KLHL33: variants seen among roughly 807,000 people sequenced by gnomAD.
KLHL33 encodes the protein kelch-like protein 33.
In KLHL33, 46 loss-of-function variants were observed where a neutral mutation model predicts 60.8. The ratio of observed to expected loss-of-function variants is 0.76; its 90% confidence interval spans 0.60 to 0.97. The LOEUF is 0.97. Among genes scored for constraint, KLHL33 ranks in the 50% least tolerant of loss-of-function variants. KLHL33 has a pLI of 0.00. For synonymous variants in KLHL33, 434 were observed against 432.2 expected, an observed-to-expected ratio of 1.00 and a Z score of -0.05; for missense variants, 1,055 against 1,000.0, an observed-to-expected ratio of 1.05 and a Z score of -0.74.
At position 20,430,155 on chromosome 14, in the gene KLHL33, C is replaced by T; in HGVS notation, c.1313G>A (p.Arg438Lys). 6.4e-7 allele frequency: 1 copy of T among 1,551,564 alleles called. No homozygotes were observed. Among genetic ancestry groups the T allele is most frequent in the Non-Finnish European group, 8.7e-7 (1 of 1,147,000 alleles). The change falls in exon 3 of 5, where the codon AGG becomes AAG. Residue 438 changes from arginine (R) to lysine (K), a missense_variant. By Grantham distance (26) the Arg-to-Lys change is conservative. Transcript: ENST00000636854. ...TGGAAGTAGCCCGGCTGCCCGCACCCTCCGCAACTCCCTGGTGGACATGCG... is the reference window on the plus strand; with the variant it reads ...TGGAAGTAGCCCGGCTGCCCGCACCTTCCGCAACTCCCTGGTGGACATGCG... ...FGRMSTRELR[R>K]VRAAGLLPPL...
chr14:20,428,484 T>C lies in KLHL33; in HGVS notation c.*365A>G, dbSNP rs887277654. 1 of 205,238 alleles carries C rather than the reference T, an allele frequency of 4.9e-6. No individual in the cohort carries two copies. Among genetic ancestry groups the C allele is most frequent in the African/African-American group, 2.3e-5 (1 of 43,196 alleles). The allele number at this position is 205,238 out of a possible 1,614,324, so 12.7% of individuals were successfully genotyped here. A position where few individuals can be genotyped will look rare whatever the true frequency, so the allele number is the denominator to read the frequency against. On this transcript the variant is annotated 3_prime_UTR_variant, in exon 5 of 5. Coordinates refer to ENST00000636854, the MANE Select transcript of KLHL33 (RefSeq NM_001365790.2). ...CATTCCACATTTTTCCCATGATCCA[T>C]GGGTCAGAACCATTTTTCCAACTGT...
rs1275448311 is a variant in KLHL33, at chr14:20,429,050, T to A, written c.2193A>T (p.Leu731=). Residue 731 remains leucine, a synonymous_variant, in exon 5 of 5, where the codon CTA becomes CTT. Transcript: ENST00000636854. Reference sequence around the variant, plus strand: ...GGTGACTGTAGCCCCCGAGCACCAGTAGCTCCCCCTGCAGCACAGCACTTG... The same window carrying A: ...GGTGACTGTAGCCCCCGAGCACCAGAAGCTCCCCCTGCAGCACAGCACTTG... ...GAASAVLQGE[L]LVLGGYSHRT... 1.3e-6 allele frequency: 2 copies of A among 1,551,566 alleles called. No homozygotes were observed. Among genetic ancestry groups the A allele is most frequent in the African/African-American group, 2.7e-5 (2 of 73,036 alleles).
Position 20,428,855 on chromosome 14 carries a change from A to T in KLHL33, c.2388T>A (p.Ala796=). The change falls in exon 5 of 5, where the codon GCT becomes GCA. Residue 796 remains alanine (A), a synonymous_variant. Transcript: ENST00000636854. ...ATACACTGTTGCTCCCTCTTCACCC[A>T]GCAGGTTTGGTTTGGTGTGGGGTGG... The part of the protein sequence containing the change: ...LVPTPHQTKP[A]G 1 of 1,549,708 alleles carries T rather than the reference A, an allele frequency of 6.5e-7. No individual in the cohort carries two copies. The highest frequency in any genetic ancestry group is 8.7e-7 in the Non-Finnish European group (1 of 1,145,492).
In KLHL33 at chr14:20,429,413, C is replaced by G; in HGVS notation, c.1842-12G>C. The G allele has an allele frequency of 6.4e-7, 1 of 1,551,226 alleles. No individual in the cohort carries two copies. The highest frequency in any genetic ancestry group is 8.7e-7 in the Non-Finnish European group (1 of 1,146,550). ...GTGCAGGTGCTGGCCTAAGGGAGAA[C>G]AGGACACAAGATAAGGCAACTAGCA... On this transcript the variant is annotated splice_polypyrimidine_tract_variant and intron_variant, in intron 4 of 4. Coordinates refer to ENST00000636854, the MANE Select transcript of KLHL33 (RefSeq NM_001365790.2).
rs950179861 is a variant in KLHL33, at chr14:20,429,868, C to T, written c.1600G>A (p.Ala534Thr). ...GRFRHGAASL[A>T]GSELYVCGGQ... ...CCACACACATAGAGTTCACTTCCTG[C>T]CAGGCTTGCAGCCCCATGCCGGAAG... is the stretch of plus-strand genomic sequence containing the variant. Residue 534 changes from alanine to threonine, a missense_variant, in exon 3 of 5, where the codon GCA becomes ACA. Transcript: ENST00000636854. The T allele has an allele frequency of 5.8e-6, 9 of 1,551,824 alleles. No individual in the cohort carries two copies. In the Admixed American group the frequency reaches 1.6e-4, roughly 27 times the overall value.
Position 20,429,923 on chromosome 14 carries a change from C to T in KLHL33, c.1545G>A (p.Gly515=). Residue 515 remains glycine (G), a synonymous_variant, in exon 3 of 5, where the codon GGG becomes GGA. Coordinates refer to ENST00000636854, the MANE Select transcript of KLHL33 (RefSeq NM_001365790.2). The part of the protein sequence containing the change: ...GVGLVRTVEW[G]QLPALPAPGR... ...CGGGGGCAGGCAGGGCAGGCAGCTG[C>T]CCCCACTCAACAGTTCGTACCAGTC... 1 of 1,551,698 alleles carries T rather than the reference C, an allele frequency of 6.4e-7. No homozygotes were observed. Among genetic ancestry groups the T allele is most frequent in the Non-Finnish European group, 8.7e-7 (1 of 1,147,012 alleles).
At chr14:20,431,196 C>A (rs761884191) in intron 2 of KLHL33, among the ~76,000 whole-genome samples, 1 of 152,084 alleles carries the variant, frequency 6.6e-6, no homozygotes, top group Non-Finnish European at 1.5e-5. Context: ...CAATCAAGAG[C>A]CAAGACTGTC....
rs1326651151 is a variant in KLHL33 at position 20,435,801 on chromosome 14, G to C, written c.11C>G (p.Ser4Trp). The C allele has an allele frequency of 8.1e-7, 1 of 1,234,646 alleles. No individual in the cohort carries two copies. The highest frequency in any genetic ancestry group is 1.0e-6 in the Non-Finnish European group (1 of 988,486). 76.5% of individuals were successfully genotyped at this position (1,234,646 alleles called of 1,614,324 possible). Residue 4 changes from serine (S) to tryptophan (W), a missense_variant, in exon 2 of 5, where the codon TCG becomes TGG. Ser to Trp is a radical substitution (Grantham distance 177). Transcript: ENST00000636854. MSV[S>W]DTPHYPPELE... is the part of the protein sequence containing the mutation. ...CTCAGGGGGATAATGTGGGGTGTCC[G>C]AGACGCTCATGCCGAGGTTTGCTGG... is the stretch of plus-strand genomic sequence containing the variant.
chr14:20,430,218 G>A lies in KLHL33; in HGVS notation c.1250C>T (p.Ser417Leu). The A allele has an allele frequency of 6.4e-7, 1 of 1,551,620 alleles. No individual in the cohort carries two copies. Among genetic ancestry groups the A allele is most frequent in the Non-Finnish European group, 8.7e-7 (1 of 1,147,006 alleles). The part of the protein sequence containing the change: ...WLAANPETQE[S>L]EAKALLRCVR... ...ACATCGCAGCAGGGCCTTGGCCTCT[G>A]ACTCCTGGGTCTCGGGGTTGGCAGC... is the stretch of plus-strand genomic sequence containing the variant. Residue 417 changes from serine (S) to leucine (L), a missense_variant, in exon 3 of 5, where the codon TCA becomes TTA. Physicochemically the swap from Ser to Leu is moderately radical, Grantham distance 145. Coordinates refer to ENST00000636854, the MANE Select transcript of KLHL33 (RefSeq NM_001365790.2).
intron 2 of KLHL33, among the ~76,000 whole-genome samples, chr14:20,432,224 C>T (rs974509401): frequency 2.5e-4 from 38 of 151,802 alleles, no homozygotes; most frequent in Non-Finnish European, 3.5e-4. Flanking sequence ...ATGTGATTCT[C>T]GTGCCTCAGC....
intron 3 of KLHL33, 43 bp downstream of exon 3, chr14:20,429,752 C>G: frequency 2.0e-6 from 3 of 1,523,432 alleles, no homozygotes; most frequent in Non-Finnish European, 2.6e-6. Context: ...TCCCTGCCCA[C>G]CTTAGGGCCT....
intron 2 of KLHL33, among the ~76,000 whole-genome samples, chr14:20,434,030 C>T (rs1282554667): frequency 2.0e-5 from 3 of 152,130 alleles, no homozygotes; most frequent in Non-Finnish European, 4.4e-5. Flanking sequence ...AGGCTTGTAT[C>T]CTGGGGTTGT....
Position 20,429,347 on chromosome 14 carries a change from C to G in KLHL33, c.1896G>C (p.Glu632Asp), listed in dbSNP as rs974517610. Residue 632 changes from glutamate to aspartate, a missense_variant, in exon 5 of 5, where the codon GAG becomes GAC. By Grantham distance (45) the Glu-to-Asp change is conservative. Coordinates refer to ENST00000636854, the MANE Select transcript of KLHL33 (RefSeq NM_001365790.2). Reference protein sequence around the residue: ...PCFAHAAAILEGQLYVSGGCG... With the variant: ...PCFAHAAAILDGQLYVSGGCG... Reference sequence around the variant, plus strand: ...AGCCACCGCTCACGTACAACTGGCCCTCCAAAATCGCAGCTGCGTGGGCAA... The same window carrying G: ...AGCCACCGCTCACGTACAACTGGCCGTCCAAAATCGCAGCTGCGTGGGCAA... 1 of 1,551,748 alleles carries G rather than the reference C, an allele frequency of 6.4e-7. No individual in the cohort carries two copies. Among genetic ancestry groups the G allele is most frequent in the Admixed American group, 2.0e-5 (1 of 51,010 alleles).
In KLHL33 at chr14:20,427,117, G is replaced by A. The variant is rs955898797; in HGVS notation, c.*1732C>T. ...GTTAATGGGTGCAGCACACCAGCAT[G>A]GCACATGTATACATATGTAACTAAC... On this transcript the variant is annotated 3_prime_UTR_variant, in exon 5 of 5. Coordinates refer to ENST00000636854, the MANE Select transcript of KLHL33 (RefSeq NM_001365790.2). 5.3e-5 allele frequency: 8 copies of A among 150,508 alleles called. No individual in the cohort carries two copies. Among genetic ancestry groups the A allele is most frequent in the Non-Finnish European group, 7.4e-5 (5 of 67,748 alleles). 9.3% of individuals were successfully genotyped at this position (150,508 alleles called of 1,614,324 possible). A position where few individuals can be genotyped will look rare whatever the true frequency, so the allele number is the denominator to read the frequency against.
At position 20,435,679 on chromosome 14, in the gene KLHL33, G is replaced by C; in HGVS notation, c.133C>G (p.Pro45Ala). The C allele has an allele frequency of 8.1e-7, 1 of 1,234,944 alleles. No homozygotes were observed. The highest frequency in any genetic ancestry group is 1.0e-6 in the Non-Finnish European group (1 of 988,596). The allele number at this position is 1,234,944 out of a possible 1,614,324, so 76.5% of individuals were successfully genotyped here. The change falls in exon 2 of 5, where the codon CCC becomes GCC. Residue 45 changes from proline (P) to alanine (A), a missense_variant. Coordinates refer to ENST00000636854, the MANE Select transcript of KLHL33 (RefSeq NM_001365790.2). ...PSWPPSPDED[P>A]RLPSFPLEEP... is the part of the protein sequence containing the mutation. ...TCCAGAGGAAAGGAAGGCAATCTGG[G>C]ATCCTCGTCGGGGGAGGGAGGCCAG...
In KLHL33 at chr14:20,435,694, A is replaced by C; in HGVS notation, c.118T>G (p.Ser40Ala). 1 of 1,234,640 alleles carries C rather than the reference A, an allele frequency of 8.1e-7. No homozygotes were observed. Among genetic ancestry groups the C allele is most frequent in the Non-Finnish European group, 1.0e-6 (1 of 988,456 alleles). The allele number at this position is 1,234,640 out of a possible 1,614,324, so 76.5% of individuals were successfully genotyped here. The change falls in exon 2 of 5, where the codon TCC becomes GCC. Residue 40 changes from serine (S) to alanine (A), a missense_variant. Physicochemically the swap from Ser to Ala is moderately conservative, Grantham distance 99. Transcript: ENST00000636854. Reference sequence around the variant, plus strand: ...GGCAATCTGGGATCCTCGTCGGGGGAGGGAGGCCAGGAAGGGGTTCTCTGG... The same window carrying C: ...GGCAATCTGGGATCCTCGTCGGGGGCGGGAGGCCAGGAAGGGGTTCTCTGG... ...HAQRTPSWPP[S>A]PDEDPRLPSF...
rs534069640 is a variant in KLHL33 at position 20,427,967 on chromosome 14, C to G, written c.*882G>C. On this transcript the variant is annotated 3_prime_UTR_variant, in exon 5 of 5. Transcript: ENST00000636854. The stretch of plus-strand genomic sequence containing the variant: ...GTCTGCTTCTCACTCTTCTCTCCCC[C>G]CACATCCTCTCACCACTTGAGACCT... 1 of 152,400 alleles carries G rather than the reference C, an allele frequency of 6.6e-6. No homozygotes were observed. Among genetic ancestry groups the G allele is most frequent in the African/African-American group, 2.4e-5 (1 of 41,584 alleles). 9.4% of individuals were successfully genotyped at this position (152,400 alleles called of 1,614,324 possible).
chr14:20,429,306 TG>T lies in KLHL33; in HGVS notation c.1936del (p.Gln646AsnfsTer6), dbSNP rs1340378868. On this transcript the variant is annotated frameshift_variant, in exon 5 of 5. Transcript: ENST00000636854. LOFTEE classifies it high-confidence loss of function. ...ATAGTGCATCAGTGAGGCCAGGTAT[TG>T]GCCAGTCCCACCACAGCCACCGCTC... is the stretch of plus-strand genomic sequence containing the variant. ...YVSGGCGGTG[Q>X]YLASLMHYDP... 18 of 1,551,546 alleles carry T rather than the reference TG, an allele frequency of 1.2e-5. No individual in the cohort carries two copies. The highest frequency in any genetic ancestry group is 2.0e-5 in the Admixed American group (1 of 50,982).
Position 20,430,380 on chromosome 14 carries a change from AG to A in KLHL33, c.1087del (p.Leu363SerfsTer7). The A allele has an allele frequency of 8.4e-6, 13 of 1,551,826 alleles. No individual in the cohort carries two copies. Among genetic ancestry groups the A allele is most frequent in the African/African-American group, 6.8e-5 (5 of 73,190 alleles). On this transcript the variant is annotated frameshift_variant, in exon 3 of 5. Transcript: ENST00000636854. LOFTEE classifies it high-confidence loss of function. ...RLWSKARHYLLTHLPAVALCP... is the reference protein window; with the variant it reads ...RLWSKARHYLXTHLPAVALCP... The stretch of plus-strand genomic sequence containing the variant: ...CAAGGCTACAGCAGGCAGGTGGGTG[AG>A]GAGGTAGTGACGGGCTTTGCTCCAG...
Sources: allele counts gnomAD v4.1 joint callset (sites outside exome capture counted in the v4.1 genomes callset), GRCh38; gene constraint gnomAD v4.1.1; transcripts MANE v1.5; gene names NCBI Gene and HGNC (gene_info 2026-07-23, HGNC 2026-07-21).